The following TBATA variants were observed in gnomAD, a reference collection of about 807,000 sequenced individuals.
TBATA encodes the protein protein TBATA.
TBATA carries 47 observed loss-of-function variants against 38.7 expected under a neutral mutation model. The ratio of observed to expected loss-of-function variants is 1.21; its 90% CI spans 0.96 to 1.55. The LOEUF (loss-of-function observed/expected upper bound fraction) is 1.55, where lower values mean the gene tolerates loss of function less well. Ranked by LOEUF, TBATA falls within the 40% of genes most tolerant of loss-of-function variation. The pLI is 0.00. For synonymous variants in TBATA, 183 were observed against 170.5 expected, an observed-to-expected ratio of 1.07 and a Z score of -0.57; for missense variants, 436 against 435.6, an observed-to-expected ratio of 1.00 and a Z score of -0.01.
At chr10:70,783,258 T>A (rs1844482221) in intron 3 of TBATA, 81 bp downstream of exon 3, 1 of 1,524,518 alleles carries the variant, frequency 6.6e-7, no homozygotes, top group South Asian at 1.1e-5. Flanking sequence ...TCTGTTGAGA[T>A]CCCCCAAGGC....
chr10:70,784,157 A>G (rs12415051), intron 2 of TBATA, among the ~76,000 whole-genome samples: 52,319 of 152,086 alleles, frequency 0.34, 9,502 homozygotes, highest in Non-Finnish European at 0.4. Context: ...GATCATGAAC[A>G]TGCGATAAAA....
At chr10:70,776,676 G>A (rs765841702) in intron 7 of TBATA, among the ~76,000 whole-genome samples, 1 of 152,188 alleles carries the variant, frequency 6.6e-6, no homozygotes, top group Non-Finnish European at 1.5e-5. Flanking sequence ...ACCGGGATGA[G>A]GCATGGACTC....
chr10:70,774,117 AC>A, intron 9 of TBATA, 95 bp downstream of exon 9: 1 of 1,516,812 alleles, frequency 6.6e-7, no homozygotes. Flanking sequence ...GTCAGCCCAG[AC>A]CCTGGTCAGC....
chr10:70,771,806 C>T (rs918707074), intron 10 of TBATA, among the ~76,000 whole-genome samples: 19 of 152,136 alleles, frequency 1.2e-4, no homozygotes, highest in Non-Finnish European at 2.5e-4. Flanking sequence ...ACCCCTGCCC[C>T]CCACTCTAGT....
intron 7 of TBATA, 26 bp downstream of exon 7, chr10:70,777,127 G>A (rs753901684): frequency 5.6e-6 from 9 of 1,606,012 alleles, no homozygotes; most frequent in South Asian, 1.1e-5. Flanking sequence ...AGAGCCAGGA[G>A]CCTGGGAGCA....
intron 10 of TBATA, chr10:70,772,119 G>A (rs1230638743): frequency 4.6e-6 from 2 of 431,666 alleles, no homozygotes; most frequent in East Asian, 1.3e-4. Context: ...GGGTAGAGCT[G>A]TATCTTTCCT....
intron 10 of TBATA, 151 bp downstream of exon 10, chr10:70,772,362 TA>T (rs1368083911): frequency 1.3e-6 from 1 of 761,512 alleles, no homozygotes; most frequent in Non-Finnish European, 2.2e-6. Context: ...AAATATTTGT[TA>T]AAGAATGAAT....
At position 70,781,951 on chromosome 10, in the gene TBATA, T is replaced by G; in HGVS notation, c.127A>C (p.Ile43Leu). 6.2e-7 allele frequency: 1 copy of G among 1,614,222 alleles called. No homozygotes were observed. Among genetic ancestry groups the G allele is most frequent in the Non-Finnish European group, 8.5e-7 (1 of 1,180,030 alleles). Residue 43 changes from isoleucine (I) to leucine (L), a missense_variant, in exon 4 of 11, where the codon ATC becomes CTC. Physicochemically the swap from Ile to Leu is conservative, Grantham distance 5 (BLOSUM62 2). Coordinates refer to ENST00000456372, the MANE Select transcript of TBATA (RefSeq NM_001318241.2). ...CGCTCGAAATCCACAATCCCTGGGATCACCAGTTCTTTCTGTGGCCCACTG... is the reference window on the plus strand; with the variant it reads ...CGCTCGAAATCCACAATCCCTGGGAGCACCAGTTCTTTCTGTGGCCCACTG... ...RDSGPQKELV[I>L]PGIVDFERIR... is the part of the protein sequence containing the mutation.
At chr10:70,780,195 G>A (rs567467202) in intron 4 of TBATA, among the ~76,000 whole-genome samples, 11 of 152,308 alleles carry the variant, frequency 7.2e-5, no homozygotes, top group African/African-American at 2.6e-4. Flanking sequence ...CACACCCTCT[G>A]CAGAAAACTT....
Position 70,781,811 on chromosome 10 carries a change from G to A in TBATA, c.267C>T (p.Thr89=). The A allele has an allele frequency of 1.2e-6, 2 of 1,613,964 alleles. 1 individual carries two copies. The highest frequency in any genetic ancestry group is 2.2e-5 in the South Asian group (2 of 91,080). Residue 89 remains threonine, a synonymous_variant, in exon 4 of 11, where the codon ACC becomes ACT. Coordinates refer to ENST00000456372, the MANE Select transcript of TBATA (RefSeq NM_001318241.2). The part of the protein sequence containing the change: ...SRHHPHPQHV[T]HIQDLTGKPV... ...CCAGCCAGGCCCTACCTTGGATGTG[G>A]GTCACGTGCTGGGGGTGTGGGTGGT... is the stretch of plus-strand genomic sequence containing the variant.
At chr10:70,777,073 G>C (rs1181992918) in intron 7 of TBATA, 80 bp downstream of exon 7, 23 of 1,457,036 alleles carry the variant, frequency 1.6e-5, no homozygotes, top group African/African-American at 4.3e-5. Context: ...AGTATCCCTG[G>C]GAGGGGCCTT....
rs768287236 is a variant in TBATA at position 70,779,759 on chromosome 10, G to A, written c.278-17C>T. On this transcript the variant is annotated splice_polypyrimidine_tract_variant and intron_variant, in intron 4 of 10. Transcript: ENST00000456372. ...CGGTGAGATCTGCAAAGGGTTAGAG[G>A]CTGTGGGAAGGGAGGCTTAGGTGGA... is the stretch of plus-strand genomic sequence containing the variant. 2.4e-5 allele frequency: 37 copies of A among 1,523,634 alleles called. No homozygotes were observed. Among genetic ancestry groups the A allele is most frequent in the Admixed American group, 1.3e-4 (5 of 39,622 alleles). The allele number at this position is 1,523,634 out of a possible 1,614,324, so 94.4% of individuals were successfully genotyped here.
intron 3 of TBATA, chr10:70,782,283 G>A: frequency 6.7e-7 from 1 of 1,491,790 alleles, no homozygotes. Flanking sequence ...AGGGAACTCA[G>A]ACTCTCCCAG....
At chr10:70,777,093 C>T (rs10999537) in intron 7 of TBATA, 60 bp downstream of exon 7, 163,360 of 1,553,128 alleles carry the variant, frequency 0.11, 9,834 homozygotes, top group Non-Finnish European at 0.12. Flanking sequence ...TGCCCTAAAG[C>T]GGTTTGTAAG....
intron 7 of TBATA, among the ~76,000 whole-genome samples, chr10:70,776,863 C>T (rs1402515834): frequency 6.6e-6 from 1 of 152,166 alleles, no homozygotes; most frequent in Non-Finnish European, 1.5e-5. Flanking sequence ...ATTGCAGCTC[C>T]CTTCACTAAC....
At chr10:70,781,075 C>A (rs1186634667) in intron 4 of TBATA, among the ~76,000 whole-genome samples, 1 of 152,216 alleles carries the variant, frequency 6.6e-6, no homozygotes, top group East Asian at 1.9e-4. Flanking sequence ...CTCCCTGATG[C>A]CTTCTCCGTT....
chr10:70,774,128 C>A, intron 9 of TBATA, 85 bp downstream of exon 9: 1 of 1,542,848 alleles, frequency 6.5e-7, no homozygotes, highest in South Asian at 1.2e-5. Flanking sequence ...CCCTGGTCAG[C>A]GCCAGGCTCC....
At chr10:70,771,509 C>T (rs748705425) in intron 10 of TBATA, 48 bp from the exon 11 acceptor site, 4 of 1,580,182 alleles carry the variant, frequency 2.5e-6, no homozygotes, top group East Asian at 2.2e-5. Context: ...GAAGGTGGGG[C>T]CCCCACCTGG....
At chr10:70,776,694 G>A (rs1324766433) in intron 7 of TBATA, among the ~76,000 whole-genome samples, 1 of 152,176 alleles carries the variant, frequency 6.6e-6, no homozygotes, top group Non-Finnish European at 1.5e-5. Context: ...CTCATCTCAG[G>A]CCTCAGTGGG....
Sources: gnomAD v4.1 joint callset for allele counts (sites outside exome capture counted in the v4.1 genomes callset) on GRCh38, gnomAD v4.1.1 for gene constraint, MANE v1.5 for transcripts, NCBI Gene and HGNC (gene_info 2026-07-23, HGNC 2026-07-21) for gene names.